The following MAFK variants were observed in gnomAD, a reference collection of about 807,000 sequenced individuals.
MAFK encodes MAF bZIP transcription factor K.
In MAFK, 1 loss-of-function variant was observed where a neutral mutation model predicts 9.2. The observed-to-expected ratio is 0.11, with a 90% CI of 0.04 to 0.52. MAFK has a LOEUF of 0.52. Among genes scored for constraint, MAFK ranks in the 20% least tolerant of loss-of-function variants. The pLI, the probability that MAFK is intolerant of heterozygous loss-of-function variation, is 0.94. For missense variants in MAFK, 207 were observed against 236.0 expected, an observed-to-expected ratio of 0.88 and a Z score of 0.81; for synonymous variants, 110 against 107.4, an observed-to-expected ratio of 1.02 and a Z score of -0.15.
intron 1 of MAFK, among the ~76,000 whole-genome samples, chr7:1,536,142 C>T (rs1321586947): frequency 6.6e-6 from 1 of 152,212 alleles, no homozygotes; most frequent in Non-Finnish European, 1.5e-5. Context: ...GGACGTGGGG[C>T]GTGAGCGCTG....
chr7:1,532,078 G>A lies in MAFK; in HGVS notation c.-45+1180G>A, dbSNP rs2128550624. On this transcript the variant is annotated intron_variant, in intron 1 of 2. Transcript: ENST00000343242. This position sits in a 1 kb window ranked among gnomAD's most constrained non-coding sequence, Gnocchi z 4.5. ...CACCGCCCCCCATCGTGGTCTAGGGGATATCTGTGTGGTTCGGCTCTGGCA... is the reference window on the plus strand; with the variant it reads ...CACCGCCCCCCATCGTGGTCTAGGGAATATCTGTGTGGTTCGGCTCTGGCA... Among the ~76,000 whole-genome samples, 1 of 152,342 alleles carries A rather than the reference G, an allele frequency of 6.6e-6. No homozygotes were observed. Among genetic ancestry groups the A allele is most frequent in the East Asian group, 1.9e-4 (1 of 5,188 alleles).
At chr7:1,533,424 G>A (rs1194697258) in intron 1 of MAFK, among the ~76,000 whole-genome samples, 2 of 152,242 alleles carry the variant, frequency 1.3e-5, no homozygotes, top group Admixed American at 6.5e-5. Flanking sequence ...TTGGTAGAGG[G>A]TGCTTGCCTA....
At chr7:1,531,042 C>G (rs1783892032) in intron 1 of MAFK, 144 bp downstream of exon 1, 1 of 146,930 alleles carries the variant, frequency 6.8e-6, no homozygotes, top group Admixed American at 6.7e-5. Flanking sequence ...GGCCCGAGAC[C>G]CTCATGCGGC....
At chr7:1,539,410 C>T (rs774101089) in intron 2 of MAFK, among the ~76,000 whole-genome samples, 182 bp downstream of exon 2, 1 of 152,146 alleles carries the variant, frequency 6.6e-6, no homozygotes, top group Non-Finnish European at 1.5e-5. Flanking sequence ...GGATCGGGGA[C>T]TGTGGTTCCA....
chr7:1,539,072 G>C, intron 1 of MAFK, 77 bp from the exon 2 acceptor site: 2 of 1,115,818 alleles, frequency 1.8e-6, no homozygotes, highest in Admixed American at 3.7e-5. Context: ...AAGCATCCCT[G>C]CATGGGAGGT....
intron 1 of MAFK, among the ~76,000 whole-genome samples, chr7:1,531,842 G>T (rs981320119): frequency 6.6e-6 from 1 of 152,222 alleles, no homozygotes; most frequent in African/African-American, 2.4e-5. Flanking sequence ...CGCTCACACC[G>T]TGTGTGTCCG....
intron 2 of MAFK, 115 bp from the exon 3 acceptor site, chr7:1,539,826 A>G: frequency 1.1e-6 from 1 of 921,008 alleles, no homozygotes; most frequent in Non-Finnish European, 1.6e-6. Context: ...GGCGAAGGCC[A>G]GCCCTGAGAG....
intron 2 of MAFK, 81 bp downstream of exon 2, chr7:1,539,309 G>T: frequency 8.1e-7 from 1 of 1,240,284 alleles, no homozygotes. Flanking sequence ...GCTATCCCAG[G>T]GCCGTCCTGA....
At chr7:1,538,238 A>G (rs1390001012) in intron 1 of MAFK, 1 of 983,436 alleles carries the variant, frequency 1.0e-6, no homozygotes, top group Non-Finnish European at 1.2e-6. Flanking sequence ...GTGTGACACA[A>G]TGCAGACGTG....
Position 1,540,243 on chromosome 7 carries a change from G to T in MAFK, c.339G>T (p.Ala113=). The T allele has an allele frequency of 6.2e-7, 1 of 1,607,702 alleles. No homozygotes were observed. The highest frequency in any genetic ancestry group is 8.5e-7 in the Non-Finnish European group (1 of 1,177,850). ...ELDALRSKYE[A]LQTFARTVAR... The stretch of plus-strand genomic sequence containing the variant: ...ACGCCCTGCGCTCCAAGTACGAGGC[G>T]CTGCAGACCTTCGCGCGCACCGTGG... Residue 113 remains alanine (A), a synonymous_variant, in exon 3 of 3, where the codon GCG becomes GCT. Coordinates refer to ENST00000343242, the MANE Select transcript of MAFK (RefSeq NM_002360.4).
intron 1 of MAFK, chr7:1,538,275 G>A (rs1173849352): frequency 8.1e-6 from 8 of 985,168 alleles, no homozygotes; most frequent in Admixed American, 6.2e-5. Context: ...CGGCGGGGAC[G>A]ACTCCCGCCA....
chr7:1,537,401 C>CGTGCTCGCAGTGGAGCTGGAAGCG (rs1784057463), intron 1 of MAFK: 2 of 985,386 alleles, frequency 2.0e-6, no homozygotes, highest in Non-Finnish European at 2.4e-6. Flanking sequence ...TGTGCACTGA[C>CGTGCTCGCAGTGGAGCTGGAAGCG]GTGCTCGCAG....
chr7:1,538,437 G>A (rs1054021841), intron 1 of MAFK: 15 of 978,040 alleles, frequency 1.5e-5, no homozygotes, highest in African/African-American at 3.6e-5. Context: ...TGATGTCACA[G>A]CCGCAGCGGC....
At chr7:1,538,250 G>C (rs997703512) in intron 1 of MAFK, 1 of 985,114 alleles carries the variant, frequency 1.0e-6, no homozygotes, top group African/African-American at 1.7e-5. Context: ...GCAGACGTGA[G>C]GACGGCGGGG....
intron 1 of MAFK, chr7:1,537,243 T>A: frequency 2.8e-6 from 1 of 355,366 alleles, no homozygotes; most frequent in Non-Finnish European, 3.9e-6. Context: ...CGGACCTTCC[T>A]TTTCCGCCCG....
chr7:1,540,799 G>A lies in MAFK; in HGVS notation c.*424G>A, dbSNP rs138698752. On this transcript the variant is annotated 3_prime_UTR_variant, in exon 3 of 3. Transcript: ENST00000343242. ...TCCACTCCTGCTGTAAGCAGCCTTC[G>A]ACACCTGTCCTGCCACGGCCTCCCA... 4.2e-5 allele frequency: 7 copies of A among 167,710 alleles called. No individual in the cohort carries two copies. Among genetic ancestry groups the A allele is most frequent in the East Asian group, 1.8e-4 (1 of 5,600 alleles). 10.4% of individuals were successfully genotyped at this position (167,710 alleles called of 1,614,324 possible).
Position 1,542,796 on chromosome 7 carries a change from C to G in MAFK, c.*2421C>G, listed in dbSNP as rs1018483897. ...TTCCAGGGCGTGGGGACCCCGGCCC[C>G]CTATGCCGCCACGCCGCCACACCGC... On this transcript the variant is annotated 3_prime_UTR_variant, in exon 3 of 3. Coordinates refer to ENST00000343242, the MANE Select transcript of MAFK (RefSeq NM_002360.4). The G allele has an allele frequency of 2.0e-5, 3 of 152,650 alleles. No homozygotes were observed. Among genetic ancestry groups the G allele is most frequent in the Non-Finnish European group, 4.4e-5 (3 of 68,048 alleles). The allele number at this position is 152,650 out of a possible 1,614,324, so 9.5% of individuals were successfully genotyped here. A position where few individuals can be genotyped will look rare whatever the true frequency, so the allele number is the denominator to read the frequency against.
At chr7:1,538,962 C>A in intron 1 of MAFK, 187 bp from the exon 2 acceptor site, 2 of 572,640 alleles carry the variant, frequency 3.5e-6, no homozygotes, top group Non-Finnish European at 6.2e-6. Flanking sequence ...GAGGCCGGGC[C>A]AGGATGCCTC....
rs527916961 is a variant in MAFK at position 1,534,295 on chromosome 7, G to A, written c.-45+3397G>A. 2.4e-3 allele frequency: 1,075 copies of A among 455,752 alleles called. 14 individuals are homozygous for A. The highest frequency in any genetic ancestry group is 0.013 in the South Asian group (842 of 64,562). 28.2% of individuals were successfully genotyped at this position (455,752 alleles called of 1,614,324 possible). On this transcript the variant is annotated intron_variant, in intron 1 of 2. Coordinates refer to ENST00000343242, the MANE Select transcript of MAFK (RefSeq NM_002360.4). The surrounding 1 kb of genome is among the most constrained non-coding windows in gnomAD (Gnocchi z 4.3). ...GGGACCAGCTGGGCTGCAATTAGTC[G>A]GTTGACACCTGTTTGACAGGCACCC...
Sources: allele counts gnomAD v4.1 joint callset (sites outside exome capture counted in the v4.1 genomes callset), GRCh38; gene constraint gnomAD v4.1.1; non-coding constraint Gnocchi (gnomAD v3.1); transcripts MANE v1.5; gene names NCBI Gene and HGNC (gene_info 2026-07-23, HGNC 2026-07-21).